Variants in CSMD1 observed in about 807,000 individuals in gnomAD.
The protein encoded by CSMD1 is CUB and sushi domain-containing protein 1.
Under a neutral mutation model 417.5 loss-of-function variants are expected in CSMD1, and 213 were observed. The ratio of observed to expected loss-of-function variants is 0.51; its 90% CI spans 0.46 to 0.57. The LOEUF is 0.57. Ranked by LOEUF, CSMD1 falls within the 20% of genes least tolerant of loss-of-function variation. CSMD1 has a pLI of 0.00. For missense variants in CSMD1, 6,923 were observed against 4,529.7 expected (o/e 1.53, Z -15.17); for synonymous variants, 2,862 against 1,736.8 (o/e 1.65, Z -16.11).
At chr8:3,051,769 G>GCAA (rs1350749716) in intron 50 of CSMD1, among the ~76,000 whole-genome samples, 1 of 152,150 alleles carries the variant, frequency 6.6e-6, no homozygotes, top group African/African-American at 2.4e-5. Flanking sequence ...TTTGAGTCTA[G>GCAA]TTTTAATATA....
chr8:4,236,853 G>A (rs1027304703), intron 3 of CSMD1, among the ~76,000 whole-genome samples: 1 of 152,066 alleles, frequency 6.6e-6, no homozygotes, highest in Non-Finnish European at 1.5e-5. Flanking sequence ...GAACAAAATG[G>A]AACAGAAGCA....
At chr8:4,525,517 A>G (rs1176396160) in intron 2 of CSMD1, among the ~76,000 whole-genome samples, 1 of 152,174 alleles carries the variant, frequency 6.6e-6, no homozygotes, top group Non-Finnish European at 1.5e-5. Flanking sequence ...TCCTCTAGTA[A>G]AACAGTATTT....
chr8:4,766,575 C>T (rs575299324), intron 1 of CSMD1, among the ~76,000 whole-genome samples: 1 of 152,242 alleles, frequency 6.6e-6, no homozygotes, highest in Non-Finnish European at 1.5e-5. Context: ...CAAATCTTGC[C>T]CAACATGCAG....
intron 3 of CSMD1, among the ~76,000 whole-genome samples, chr8:4,314,531 C>T (rs76493930): frequency 0.018 from 2,674 of 152,082 alleles, 83 homozygotes; most frequent in African/African-American, 0.06. Flanking sequence ...GGATTTCTCC[C>T]GAAATACTAA....
At chr8:3,302,032 G>A (rs148941297) in intron 25 of CSMD1, among the ~76,000 whole-genome samples, 1 of 152,036 alleles carries the variant, frequency 6.6e-6, no homozygotes, top group Non-Finnish European at 1.5e-5. Flanking sequence ...TTTTAGGTGG[G>A]AAATTATTGG....
chr8:3,899,116 A>T (rs1807558379), intron 5 of CSMD1, among the ~76,000 whole-genome samples: 1 of 152,190 alleles, frequency 6.6e-6, no homozygotes, highest in African/African-American at 2.4e-5. Context: ...ATAAGTACTG[A>T]CTGGCGCCAT....
intron 3 of CSMD1, among the ~76,000 whole-genome samples, chr8:4,039,328 G>C (rs1387202565): frequency 6.6e-6 from 1 of 152,118 alleles, no homozygotes; most frequent in African/African-American, 2.4e-5. Flanking sequence ...AAATGTGTTT[G>C]TTTTGGACTA....
chr8:4,837,067 G>A (rs1340848808), intron 1 of CSMD1, among the ~76,000 whole-genome samples: 1 of 151,542 alleles, frequency 6.6e-6, no homozygotes, highest in Admixed American at 6.6e-5. Context: ...ACAGGGCTCT[G>A]GGACAGAAAG....
At chr8:4,494,346 C>T (rs1393198310) in intron 2 of CSMD1, among the ~76,000 whole-genome samples, 2 of 152,126 alleles carry the variant, frequency 1.3e-5, no homozygotes, top group Non-Finnish European at 2.9e-5. Flanking sequence ...ATTGCAATTG[C>T]TCAGTGACAT....
chr8:4,020,270 T>A (rs1796723633), intron 4 of CSMD1, among the ~76,000 whole-genome samples: 1 of 152,196 alleles, frequency 6.6e-6, no homozygotes, highest in Admixed American at 6.5e-5. Context: ...GCACTGGGAT[T>A]TGCCCCAGGT....
intron 18 of CSMD1, among the ~76,000 whole-genome samples, chr8:3,374,194 T>G (rs1810162708): frequency 6.6e-6 from 1 of 151,980 alleles, no homozygotes; most frequent in African/African-American, 2.4e-5. Flanking sequence ...CCTCAAGTCA[T>G]CTACCTGCCC....
intron 2 of CSMD1, among the ~76,000 whole-genome samples, chr8:4,457,265 A>C (rs1799545048): frequency 6.6e-6 from 1 of 152,112 alleles, no homozygotes. Context: ...CTGTTTGCCC[A>C]TCTTACTTAC....
At chr8:4,441,301 G>T (rs1173088665) in intron 2 of CSMD1, among the ~76,000 whole-genome samples, 1 of 144,022 alleles carries the variant, frequency 6.9e-6, no homozygotes, top group Admixed American at 7.0e-5. Flanking sequence ...GAGTAGAGAG[G>T]GAGGTCTCAC....
chr8:2,965,064 C>A (rs938570702), intron 59 of CSMD1, among the ~76,000 whole-genome samples: 1 of 152,156 alleles, frequency 6.6e-6, no homozygotes, highest in African/African-American at 2.4e-5. Context: ...TCTGCACCAG[C>A]TGATAAGAAA....
Position 4,047,863 on chromosome 8 carries a change from C to T in CSMD1, c.416-15764G>A, listed in dbSNP as rs146197236. 1.1e-3 allele frequency among the ~76,000 whole-genome samples: 164 copies of T among 152,048 alleles called. 3 individuals are homozygous for T. The East Asian group carries it at 0.025, about 23-fold the overall frequency. On this transcript the variant is annotated intron_variant, in intron 3 of 69. Transcript: ENST00000635120. ...AAAAATATGAAGTAGAGGATCAGAT[C>T]TAATAATAATATTTACATCACTGAG...
chr8:3,244,117 A>G (rs534140706), intron 26 of CSMD1, among the ~76,000 whole-genome samples: 1 of 152,340 alleles, frequency 6.6e-6, no homozygotes, highest in South Asian at 2.1e-4. Context: ...TGCGCATTAC[A>G]TAGACCCTCT....
In CSMD1 at chr8:3,485,904, G is replaced by C. The variant is rs184498495; in HGVS notation, c.1448+7719C>G. On this transcript the variant is annotated intron_variant, in intron 11 of 69. Coordinates refer to ENST00000635120, the MANE Select transcript of CSMD1 (RefSeq NM_033225.6). The stretch of plus-strand genomic sequence containing the variant: ...ATCCTGGTTGTGACATTTTACTGTA[G>C]ATTTGCAAAACATTTCCACTGGAGA... Among the ~76,000 whole-genome samples, 11 of 152,202 alleles carry C rather than the reference G, an allele frequency of 7.2e-5. No homozygotes were observed. In the South Asian group the frequency reaches 1.7e-3, roughly 23 times the overall value.
chr8:4,974,016 T>C (rs1443265499), intron 1 of CSMD1, among the ~76,000 whole-genome samples: 7 of 152,084 alleles, frequency 4.6e-5, no homozygotes, highest in Admixed American at 2.6e-4. Flanking sequence ...TCTCTGGAAA[T>C]TATTTTATTT....
chr8:4,067,940 G>C (rs1799338133), intron 3 of CSMD1, among the ~76,000 whole-genome samples: 1 of 152,108 alleles, frequency 6.6e-6, no homozygotes, highest in African/African-American at 2.4e-5. Flanking sequence ...AACTGGGCAT[G>C]GTGGTGCGCT....
Sources: gnomAD v4.1 joint callset for allele counts (sites outside exome capture counted in the v4.1 genomes callset) on GRCh38, gnomAD v4.1.1 for gene constraint, MANE v1.5 for transcripts, NCBI Gene and HGNC (gene_info 2026-07-23, HGNC 2026-07-21) for gene names.